DPP10: variants seen among roughly 807,000 people sequenced by gnomAD.
DPP10 encodes the protein dipeptidyl peptidase like 10, also known as inactive dipeptidyl peptidase 10.
DPP10 carries 33 observed loss-of-function variants against 120.9 expected under a neutral mutation model. That is an observed-to-expected ratio of 0.27 (90% CI 0.21 to 0.37). The LOEUF (loss-of-function observed/expected upper bound fraction) is 0.37, where lower values mean the gene tolerates loss of function less well. DPP10 is among the 10% of genes least tolerant of loss of function. The pLI is 1.00. For missense variants in DPP10, 816 were observed against 942.8 expected, an observed-to-expected ratio of 0.87 and a Z score of 1.76; for synonymous variants, 337 against 326.1, an observed-to-expected ratio of 1.03 and a Z score of -0.36.
chr2:115,826,847 C>T (rs375675290), intron 21 of DPP10, among the ~76,000 whole-genome samples: 6 of 151,988 alleles, frequency 3.9e-5, no homozygotes, highest in South Asian at 2.1e-4. Context: ...TTTACATTTA[C>T]GTATTACGTA....
chr2:115,320,187 A>T (rs1463313817), intron 2 of DPP10, among the ~76,000 whole-genome samples: 3 of 152,152 alleles, frequency 2.0e-5, no homozygotes, highest in African/African-American at 4.8e-5. Context: ...TATGAGGATA[A>T]CAAATTCTGC....
At chr2:115,209,854 A>G (rs1189915727) in intron 1 of DPP10, among the ~76,000 whole-genome samples, 10 of 152,150 alleles carry the variant, frequency 6.6e-5, no homozygotes, top group Admixed American at 6.6e-4. Context: ...TTTCTATCAC[A>G]ATGATAGTAA....
At chr2:115,632,751 C>G (rs746124904) in intron 5 of DPP10, among the ~76,000 whole-genome samples, 6 of 151,978 alleles carry the variant, frequency 3.9e-5, no homozygotes, top group African/African-American at 7.3e-5. Flanking sequence ...TCAAACAACC[C>G]CATCAAAAAG....
At chr2:114,949,730 A>G (rs192999934) in intron 1 of DPP10, among the ~76,000 whole-genome samples, 2 of 152,242 alleles carry the variant, frequency 1.3e-5, no homozygotes, top group East Asian at 1.9e-4. Context: ...GGTCTCTCTC[A>G]GTGCTGATGA....
intron 3 of DPP10, among the ~76,000 whole-genome samples, chr2:115,426,125 AC>A (rs2070440839): frequency 2.6e-5 from 1 of 38,910 alleles, no homozygotes; most frequent in Non-Finnish European, 5.0e-5. Flanking sequence ...TGAGATTCTC[AC>A]CAGGTGCCAC....
At chr2:114,569,779 A>G (rs1213638094) in intron 1 of DPP10, among the ~76,000 whole-genome samples, 1 of 152,206 alleles carries the variant, frequency 6.6e-6, no homozygotes, top group Admixed American at 6.5e-5. Flanking sequence ...AACAAGAGCA[A>G]AAGAGTAAGA....
intron 1 of DPP10, among the ~76,000 whole-genome samples, chr2:115,270,464 G>C (rs887049785): frequency 6.6e-6 from 1 of 152,164 alleles, no homozygotes; most frequent in African/African-American, 2.4e-5. Flanking sequence ...CTTTCCCATA[G>C]AGGTTATTGA....
intron 1 of DPP10, among the ~76,000 whole-genome samples, chr2:114,624,317 G>A (rs866825840): frequency 2.0e-5 from 3 of 151,936 alleles, no homozygotes; most frequent in African/African-American, 4.8e-5. Flanking sequence ...TGATGAACAG[G>A]CTGCATTTGA....
chr2:115,467,155 A>G (rs2074377463), intron 3 of DPP10, among the ~76,000 whole-genome samples: 1 of 152,214 alleles, frequency 6.6e-6, no homozygotes, highest in African/African-American at 2.4e-5. Context: ...ATCTGAACAT[A>G]GATGACAATA....
intron 5 of DPP10, among the ~76,000 whole-genome samples, chr2:115,657,030 T>A (rs1286004500): frequency 6.6e-6 from 1 of 151,738 alleles, no homozygotes; most frequent in Non-Finnish European, 1.5e-5. Flanking sequence ...TATTGTGCAC[T>A]TTAAAATCAT....
chr2:115,019,663 G>A (rs1702926825), intron 1 of DPP10, among the ~76,000 whole-genome samples: 1 of 152,184 alleles, frequency 6.6e-6, no homozygotes, highest in Admixed American at 6.5e-5. Context: ...GAAGCTCAAA[G>A]AACACCTGGG....
At chr2:115,415,936 A>T (rs551491393) in intron 3 of DPP10, among the ~76,000 whole-genome samples, 2 of 149,094 alleles carry the variant, frequency 1.3e-5, no homozygotes, top group South Asian at 2.1e-4. Context: ...GAATATTTAC[A>T]TGAAATTTTT....
At chr2:115,397,472 A>G (rs1228702750) in intron 3 of DPP10, among the ~76,000 whole-genome samples, 1 of 152,148 alleles carries the variant, frequency 6.6e-6, no homozygotes, top group African/African-American at 2.4e-5. Flanking sequence ...ATTATAAGGG[A>G]CTAGAGTTAT....
At chr2:115,713,629 A>G (rs2092399784) in intron 7 of DPP10, among the ~76,000 whole-genome samples, 1 of 152,188 alleles carries the variant, frequency 6.6e-6, no homozygotes, top group African/African-American at 2.4e-5. Flanking sequence ...ACAAAGCATC[A>G]TATTTCTTGA....
At chr2:114,443,728 C>T (rs534231140) in intron 1 of DPP10, among the ~76,000 whole-genome samples, 1 of 150,074 alleles carries the variant, frequency 6.7e-6, no homozygotes, top group Admixed American at 6.6e-5. Context: ...AAACAAAAAA[C>T]GTGATATCCT....
intron 8 of DPP10, among the ~76,000 whole-genome samples, chr2:115,733,051 G>A (rs2092949008): frequency 6.6e-6 from 1 of 152,122 alleles, no homozygotes; most frequent in African/African-American, 2.4e-5. Flanking sequence ...ATAGGATGGA[G>A]GAATGTCAGG....
At position 115,791,334 on chromosome 2, in the gene DPP10, C is replaced by A; in HGVS notation, c.1678C>A (p.Gln560Lys). The change falls in exon 19 of 26, where the codon CAG (glutamine) becomes AAG (lysine). Residue 560 changes from glutamine to lysine, a missense_variant. By Grantham distance (53) the Gln-to-Lys change is moderately conservative. This residue lies in a region of DPP10 where 592 missense variants were observed against 649.0 expected (regional missense o/e 0.91). Transcript: ENST00000410059. ...SLPKDFMDRN[Q>K]YALLLIMDEE... ...TCCCAAAGATTTTATGGACCGAAAC[C>A]AGTATGCTCTTCTGTTAATAATGTA... 6.2e-7 allele frequency: 1 copy of A among 1,610,398 alleles called. No individual in the cohort carries two copies. Among genetic ancestry groups the A allele is most frequent in the Non-Finnish European group, 8.5e-7 (1 of 1,178,780 alleles).
At chr2:114,542,066 G>C (rs1272500127) in intron 1 of DPP10, among the ~76,000 whole-genome samples, 2 of 20,866 alleles carry the variant, frequency 9.6e-5, no homozygotes, top group Admixed American at 1.0e-3. Context: ...TTTTTTTTTT[G>C]AGATGGAGTC....
intron 2 of DPP10, among the ~76,000 whole-genome samples, chr2:115,315,929 C>T (rs2061770845): frequency 6.6e-6 from 1 of 151,974 alleles, no homozygotes; most frequent in Non-Finnish European, 1.5e-5. Flanking sequence ...GGAATAAAAA[C>T]AGTTACTTTT....
Sources: allele counts gnomAD v4.1 joint callset (sites outside exome capture counted in the v4.1 genomes callset), GRCh38; gene constraint gnomAD v4.1.1; regional missense constraint gnomAD v4.1.1; transcripts MANE v1.5; gene names NCBI Gene and HGNC (gene_info 2026-07-23, HGNC 2026-07-21).